The following RP1 variants were observed in gnomAD, a reference collection of about 807,000 sequenced individuals.
RP1 encodes the protein oxygen-regulated protein 1.
RP1 carries 16 observed loss-of-function variants against 14.8 expected under a neutral mutation model. The observed-to-expected ratio is 1.08, with a 90% CI of 0.73 to 1.65. The LOEUF is 1.65. Among genes scored for constraint, RP1 ranks in the 40% most tolerant of loss-of-function variants. The pLI is 0.00. For missense variants in RP1, 2,631 were observed against 2,535.0 expected (o/e 1.04, Z -0.81); for synonymous variants, 876 against 883.6 (o/e 0.99, Z 0.15).
chr8:54,809,275 T>A (rs1356889926), intron 24 of RP1, among the ~76,000 whole-genome samples: 2 of 152,214 alleles, frequency 1.3e-5, no homozygotes, highest in Non-Finnish European at 2.9e-5. Flanking sequence ...AATAAACAAC[T>A]CATATTCTTA....
intron 3 of RP1, among the ~76,000 whole-genome samples, chr8:54,642,946 A>C (rs1806478680): frequency 6.6e-6 from 1 of 152,070 alleles, no homozygotes; most frequent in Non-Finnish European, 1.5e-5. Context: ...GCCTTTCTTC[A>C]GTTATAAGGG....
Position 54,626,472 on chromosome 8 carries a change from A to T in RP1, c.2590A>T (p.Ile864Leu). The T allele has an allele frequency of 6.2e-7, 1 of 1,613,854 alleles. No homozygotes were observed. Among genetic ancestry groups the T allele is most frequent in the Non-Finnish European group, 8.5e-7 (1 of 1,179,904 alleles). The change falls in exon 4 of 4, where the codon ATA (isoleucine) becomes TTA (leucine). Residue 864 changes from isoleucine to leucine, a missense_variant. Coordinates refer to ENST00000220676, the MANE Select transcript of RP1 (RefSeq NM_006269.2). ...AGTTTCAAAAGTTACTGATTCACAC[A>T]TAACTTTAAAAAGCCAGAAAAAACG... is the stretch of plus-strand genomic sequence containing the variant. ...SLVSKVTDSH[I>L]TLKSQKKRKG...
intron 1 of RP1, among the ~76,000 whole-genome samples, chr8:54,610,558 T>C (rs1035381361): frequency 4.6e-5 from 7 of 152,216 alleles, no homozygotes; most frequent in African/African-American, 1.2e-4. Context: ...ATGTCTAATA[T>C]GCTTTTCAAG....
chr8:54,567,996 G>T (rs1298890651), intron 1 of RP1, among the ~76,000 whole-genome samples: 1 of 152,140 alleles, frequency 6.6e-6, no homozygotes, highest in East Asian at 1.9e-4. Flanking sequence ...ATATAGTCCA[G>T]GGCTGGTATG....
chr8:54,651,312 T>C (rs1280963851), intron 4 of RP1, among the ~76,000 whole-genome samples: 1 of 152,204 alleles, frequency 6.6e-6, no homozygotes, highest in Non-Finnish European at 1.5e-5. Context: ...AGTTAAAAAG[T>C]ATTTCCACCT....
intron 7 of RP1, among the ~76,000 whole-genome samples, chr8:54,671,731 T>G (rs1285758033): frequency 6.6e-6 from 1 of 152,178 alleles, no homozygotes; most frequent in African/African-American, 2.4e-5. Flanking sequence ...TTTACTGATT[T>G]CATTTAGTTG....
intron 19 of RP1, among the ~76,000 whole-genome samples, chr8:54,740,346 A>C (rs954380176): frequency 2.7e-4 from 39 of 146,954 alleles, no homozygotes; most frequent in African/African-American, 7.8e-4. Context: ...GACATTGTGC[A>C]GGCCTAGGCG....
chr8:54,800,976 C>T (rs933277419), intron 24 of RP1, among the ~76,000 whole-genome samples: 3 of 152,138 alleles, frequency 2.0e-5, no homozygotes, highest in Non-Finnish European at 4.4e-5. Context: ...GAAATAAATA[C>T]TGTTGATAAT....
At chr8:54,830,438 C>A (rs765359015) in intron 24 of RP1, among the ~76,000 whole-genome samples, 4 of 152,048 alleles carry the variant, frequency 2.6e-5, no homozygotes, top group African/African-American at 9.7e-5. Flanking sequence ...TCCCTCCCCC[C>A]ACTGACCTTC....
intron 24 of RP1, among the ~76,000 whole-genome samples, chr8:54,795,200 A>G (rs1216016112): frequency 6.6e-6 from 1 of 152,118 alleles, no homozygotes; most frequent in African/African-American, 2.4e-5. Flanking sequence ...AAAATTAAAA[A>G]TAGAGCTACC....
At chr8:54,573,534 G>A (rs1279946947) in intron 1 of RP1, among the ~76,000 whole-genome samples, 4 of 152,102 alleles carry the variant, frequency 2.6e-5, no homozygotes, top group East Asian at 1.9e-4. Context: ...CTCTCAATAC[G>A]GTAGCTTTTC....
intron 15 of RP1, among the ~76,000 whole-genome samples, chr8:54,718,910 A>G (rs1427817696): frequency 1.1e-4 from 17 of 152,202 alleles, no homozygotes. Flanking sequence ...TGCCATTGTA[A>G]TAACAGATAC....
At chr8:54,584,600 G>T (rs1455326963) in intron 1 of RP1, among the ~76,000 whole-genome samples, 1 of 152,152 alleles carries the variant, frequency 6.6e-6, no homozygotes, top group African/African-American at 2.4e-5. Flanking sequence ...TGACAGTGGG[G>T]TGTTAAAGTC....
chr8:54,602,143 T>G (rs916497169), intron 1 of RP1, among the ~76,000 whole-genome samples: 8 of 152,178 alleles, frequency 5.3e-5, no homozygotes, highest in Non-Finnish European at 1.0e-4. Context: ...CCATTAACTC[T>G]TCATTTAACA....
intron 24 of RP1, among the ~76,000 whole-genome samples, chr8:54,804,288 G>A (rs1464040666): frequency 6.6e-6 from 1 of 151,898 alleles, no homozygotes; most frequent in Admixed American, 6.6e-5. Context: ...AAAGTAAAAG[G>A]AAAATGAAAC....
intron 28 of RP1, among the ~76,000 whole-genome samples, chr8:54,867,321 A>G (rs1812480357): frequency 6.6e-6 from 1 of 152,206 alleles, no homozygotes; most frequent in Admixed American, 6.5e-5. Context: ...TTCTCAATGC[A>G]CTTCCATTTA....
intron 27 of RP1, among the ~76,000 whole-genome samples, chr8:54,859,579 G>C (rs745855293): frequency 2.6e-5 from 4 of 151,464 alleles, no homozygotes; most frequent in African/African-American, 9.7e-5. Flanking sequence ...GTAGGGTAGT[G>C]TCACTGTAGG....
chr8:54,772,915 TTTAA>T (rs1247604439), downstream of RP1, among the ~76,000 whole-genome samples: 1 of 152,260 alleles, frequency 6.6e-6, no homozygotes, highest in Non-Finnish European at 1.5e-5. Flanking sequence ...AAAGGATGTT[TTTAA>T]TTGTCAGGGG....
At chr8:54,781,578 A>C (rs1810190991) in intron 23 of RP1, among the ~76,000 whole-genome samples, 1 of 152,218 alleles carries the variant, frequency 6.6e-6, no homozygotes, top group Non-Finnish European at 1.5e-5. Context: ...TTATAAATAA[A>C]TTATTTCATA....
Sources: gnomAD v4.1 joint callset for allele counts (sites outside exome capture counted in the v4.1 genomes callset) on GRCh38, gnomAD v4.1.1 for gene constraint, MANE v1.5 for transcripts, NCBI Gene and HGNC (gene_info 2026-07-23, HGNC 2026-07-21) for gene names.